Variants in ELSPBP1 observed in about 807,000 individuals in gnomAD.
ELSPBP1 encodes the protein epididymal sperm-binding protein 1.
In ELSPBP1, 38 loss-of-function variants were observed where a neutral mutation model predicts 33.3. The ratio of observed to expected loss-of-function variants is 1.14; its 90% CI spans 0.88 to 1.50. The LOEUF (loss-of-function observed/expected upper bound fraction) is 1.50. ELSPBP1 is among the 40% of genes most tolerant of loss of function. The pLI, the probability that ELSPBP1 is intolerant of heterozygous loss-of-function variation, is 0.00. For synonymous variants in ELSPBP1, 85 were observed against 94.1 expected (o/e 0.90, Z 0.56); for missense variants, 267 against 263.5 (o/e 1.01, Z -0.09).
chr19:47,996,251 G>A (rs1966910678), intron 1 of ELSPBP1, among the ~76,000 whole-genome samples: 1 of 151,998 alleles, frequency 6.6e-6, no homozygotes. Context: ...AGAAGTGGAT[G>A]AATAAACTGA....
chr19:48,008,005 T>C lies in ELSPBP1; in HGVS notation c.-17-646T>C, dbSNP rs73055764. 5.7e-3 allele frequency among the ~76,000 whole-genome samples: 863 copies of C among 152,332 alleles called. 1 individual carries two copies. Among genetic ancestry groups the C allele is most frequent in the Middle Eastern group, 0.01 (3 of 294 alleles). ...AGGACAGTACATGACAGTAGAGTTA[T>C]GCATCAGGAATACAGTCTGAGAAGT... On this transcript the variant is annotated intron_variant, in intron 1 of 6. Coordinates refer to ENST00000339841, the MANE Select transcript of ELSPBP1 (RefSeq NM_022142.5).
intron 2 of ELSPBP1, among the ~76,000 whole-genome samples, chr19:48,013,562 C>T (rs999073244): frequency 7.2e-5 from 11 of 151,956 alleles, no homozygotes; most frequent in Non-Finnish European, 1.3e-4. Flanking sequence ...ACTAAAAATA[C>T]AAAAATTTGC....
chr19:48,016,193 A>G (rs1021572648), intron 4 of ELSPBP1, among the ~76,000 whole-genome samples, 154 bp downstream of exon 4: 4 of 152,206 alleles, frequency 2.6e-5, no homozygotes, highest in Non-Finnish European at 1.5e-5. Context: ...CGCTATGACA[A>G]CGACAGACAG....
At chr19:48,009,783 A>G (rs1187162980) in intron 2 of ELSPBP1, among the ~76,000 whole-genome samples, 3 of 147,694 alleles carry the variant, frequency 2.0e-5, no homozygotes, top group Non-Finnish European at 4.5e-5. Context: ...GCTTGACACA[A>G]TAACATTTTT....
intron 6 of ELSPBP1, among the ~76,000 whole-genome samples, chr19:48,024,592 GAACTCTGGGCACCATCTT>G (rs896083052): frequency 1.3e-5 from 2 of 152,120 alleles, no homozygotes; most frequent in African/African-American, 4.8e-5. Flanking sequence ...AGGGGGTTTG[GAACTCTGGGCACCATCTT>G]AACAGGGTAG....
chr19:48,024,035 AATTT>A (rs1400706671), intron 6 of ELSPBP1, among the ~76,000 whole-genome samples: 1 of 62,388 alleles, frequency 1.6e-5, no homozygotes, highest in African/African-American at 5.5e-5. Flanking sequence ...CATGCCCAGC[AATTT>A]TTTTTTTTTT....
At chr19:48,003,031 G>A (rs117699939) in intron 1 of ELSPBP1, among the ~76,000 whole-genome samples, 3 of 152,206 alleles carry the variant, frequency 2.0e-5, no homozygotes, top group East Asian at 1.9e-4. Context: ...AAACAGCAGC[G>A]GTGGCAGGAT....
intron 4 of ELSPBP1, among the ~76,000 whole-genome samples, chr19:48,016,349 T>C (rs1469341772): frequency 1.3e-5 from 2 of 152,198 alleles, no homozygotes; most frequent in African/African-American, 4.8e-5. Flanking sequence ...CACCCACTGA[T>C]GGACCCAAAC....
intron 1 of ELSPBP1, among the ~76,000 whole-genome samples, chr19:48,005,468 A>G (rs1268435050): frequency 6.6e-6 from 1 of 152,176 alleles, no homozygotes; most frequent in Non-Finnish European, 1.5e-5. Context: ...GGGGGCTACA[A>G]CTCAGGTGGT....
At chr19:48,019,257 T>A (rs1967173001) in intron 4 of ELSPBP1, among the ~76,000 whole-genome samples, 2 of 152,198 alleles carry the variant, frequency 1.3e-5, no homozygotes, top group African/African-American at 4.8e-5. Flanking sequence ...GGATGTGATT[T>A]GGATTGTGTA....
At chr19:48,018,533 A>G (rs773985704) in intron 4 of ELSPBP1, among the ~76,000 whole-genome samples, 9 of 152,170 alleles carry the variant, frequency 5.9e-5, no homozygotes, top group Non-Finnish European at 1.3e-4. Flanking sequence ...TTTAATAAGC[A>G]TTTTCTATGT....
chr19:48,006,928 C>G (rs773263760), intron 1 of ELSPBP1, among the ~76,000 whole-genome samples: 1 of 152,064 alleles, frequency 6.6e-6, no homozygotes, highest in Non-Finnish European at 1.5e-5. Context: ...GAGAGCCAAG[C>G]ACTGTTGGGA....
intron 4 of ELSPBP1, among the ~76,000 whole-genome samples, chr19:48,016,546 T>G (rs1967143150): frequency 7.0e-6 from 1 of 141,852 alleles, no homozygotes; most frequent in Non-Finnish European, 1.5e-5. Flanking sequence ...CTTCCTTCCT[T>G]CCTTCCTTCC....
intron 2 of ELSPBP1, among the ~76,000 whole-genome samples, chr19:48,013,647 G>T (rs1383193599): frequency 6.6e-6 from 1 of 152,048 alleles, no homozygotes; most frequent in African/African-American, 2.4e-5. Flanking sequence ...AACCCAGGAG[G>T]TGGAGGTTGC....
intron 1 of ELSPBP1, among the ~76,000 whole-genome samples, chr19:47,998,522 C>G (rs1966934087): frequency 6.6e-6 from 1 of 152,142 alleles, no homozygotes; most frequent in Admixed American, 6.5e-5. Context: ...CGCGGTGGCT[C>G]ACGCCTGTAA....
intron 1 of ELSPBP1, among the ~76,000 whole-genome samples, chr19:47,997,289 C>T (rs1966920744): frequency 6.6e-6 from 1 of 152,164 alleles, no homozygotes; most frequent in Non-Finnish European, 1.5e-5. Flanking sequence ...TTTTAAACTG[C>T]CTCCTATTGC....
intron 1 of ELSPBP1, among the ~76,000 whole-genome samples, chr19:48,001,997 C>T (rs762871271): frequency 5.3e-5 from 8 of 152,204 alleles, no homozygotes; most frequent in Admixed American, 1.3e-4. Flanking sequence ...ATGACTGGCC[C>T]GCAAAATCCA....
chr19:47,995,823 G>A (rs1416859610), intron 1 of ELSPBP1, among the ~76,000 whole-genome samples: 1 of 152,156 alleles, frequency 6.6e-6, no homozygotes, highest in Non-Finnish European at 1.5e-5. Flanking sequence ...ACCTTCCCAA[G>A]GCCACCCAGT....
rs1334584681 is a variant in ELSPBP1 at position 48,011,074 on chromosome 19, G to A, written c.70+2337G>A. On this transcript the variant is annotated intron_variant, in intron 2 of 6. Transcript: ENST00000339841. This position sits in a 1 kb window ranked among gnomAD's most constrained non-coding sequence, Gnocchi z 4.5. ...ATATGACGATGATGACAATGATGACGGTAATGATGACAACAATAATAGCGA... is the reference window on the plus strand; with the variant it reads ...ATATGACGATGATGACAATGATGACAGTAATGATGACAACAATAATAGCGA... Among the ~76,000 whole-genome samples, 1 of 151,824 alleles carries A rather than the reference G, an allele frequency of 6.6e-6. No homozygotes were observed. The highest frequency in any genetic ancestry group is 1.9e-4 in the East Asian group (1 of 5,174).
Sources: gnomAD v4.1 joint callset for allele counts (sites outside exome capture counted in the v4.1 genomes callset) on GRCh38, gnomAD v4.1.1 for gene constraint, Gnocchi (gnomAD v3.1) non-coding constraint, MANE v1.5 for transcripts, NCBI Gene and HGNC (gene_info 2026-07-23, HGNC 2026-07-21) for gene names.